ST3GAL1: variants seen among roughly 807,000 people sequenced by gnomAD.
ST3GAL1 encodes ST3 beta-galactoside alpha-2,3-sialyltransferase 1.
A neutral mutation model predicts 34.1 loss-of-function variants in ST3GAL1; 16 were observed. That is an observed-to-expected ratio of 0.47 (90% confidence interval 0.32 to 0.71). The LOEUF (loss-of-function observed/expected upper bound fraction) is 0.71. Ranked by LOEUF, ST3GAL1 falls within the 30% of genes least tolerant of loss-of-function variation. The pLI, the probability that ST3GAL1 is intolerant of heterozygous loss-of-function variation, is 0.04. For synonymous variants in ST3GAL1, 191 were observed against 184.7 expected (o/e 1.03, Z -0.28); for missense variants, 353 against 447.4 (o/e 0.79, Z 1.90).
intron 3 of ST3GAL1, among the ~76,000 whole-genome samples, chr8:133,479,583 C>T (rs1190233713): frequency 6.6e-6 from 1 of 152,182 alleles, no homozygotes; most frequent in East Asian, 1.9e-4. Flanking sequence ...GACTGTTGAT[C>T]CGTGTTGATC....
In ST3GAL1 at chr8:133,457,724, A is replaced by G. The variant is rs562547151; in HGVS notation, c.*2040T>C. On this transcript the variant is annotated 3_prime_UTR_variant, in exon 10 of 10. Coordinates refer to ENST00000522652, the MANE Select transcript of ST3GAL1 (RefSeq NM_173344.3). ...TGCTCATATGCAGAGATTCAGGGAA[A>G]AAACCAAACTTGGCACGCAACTTCC... is the stretch of plus-strand genomic sequence containing the variant. The G allele has an allele frequency of 8.5e-5, 13 of 152,352 alleles. No individual in the cohort carries two copies. The South Asian group carries it at 1.7e-3, about 19-fold the overall frequency. The allele number at this position is 152,352 out of a possible 1,614,324, so 9.4% of individuals were successfully genotyped here. A position where few individuals can be genotyped will look rare whatever the true frequency, so the allele number is the denominator to read the frequency against.
chr8:133,483,658 C>G (rs1180044024), intron 3 of ST3GAL1, among the ~76,000 whole-genome samples: 1 of 152,180 alleles, frequency 6.6e-6, no homozygotes, highest in Non-Finnish European at 1.5e-5. Flanking sequence ...ATGTGCTGAA[C>G]AGCTAAATCT....
chr8:133,473,725 A>C (rs1816052729), intron 5 of ST3GAL1, among the ~76,000 whole-genome samples: 1 of 152,200 alleles, frequency 6.6e-6, no homozygotes, highest in African/African-American at 2.4e-5. Context: ...ACACCTGACA[A>C]TGTCTGGAGA....
At chr8:133,537,758 G>C (rs968111217) in intron 2 of ST3GAL1, among the ~76,000 whole-genome samples, 2 of 152,148 alleles carry the variant, frequency 1.3e-5, no homozygotes, top group African/African-American at 4.8e-5. Context: ...TGAAGGTCAC[G>C]AGGCTGGCAA....
At chr8:133,524,473 C>T (rs1287512260) in intron 2 of ST3GAL1, among the ~76,000 whole-genome samples, 1 of 152,258 alleles carries the variant, frequency 6.6e-6, no homozygotes, top group Admixed American at 6.5e-5. Context: ...CTGTGGCCAG[C>T]AGCGCCTTCT....
intron 3 of ST3GAL1, among the ~76,000 whole-genome samples, chr8:133,494,617 C>A (rs1356421370): frequency 1.3e-5 from 2 of 152,176 alleles, no homozygotes; most frequent in African/African-American, 2.4e-5. Context: ...ACCCACAATG[C>A]AATCCAAGGC....
At chr8:133,517,788 C>T (rs943244516) in intron 2 of ST3GAL1, among the ~76,000 whole-genome samples, 3 of 152,268 alleles carry the variant, frequency 2.0e-5, no homozygotes, top group African/African-American at 7.2e-5. Context: ...GCCCCACAGG[C>T]ATGTTTTGTC....
At chr8:133,535,215 G>C (rs1029250284) in intron 2 of ST3GAL1, among the ~76,000 whole-genome samples, 3 of 152,198 alleles carry the variant, frequency 2.0e-5, no homozygotes, top group African/African-American at 2.4e-5. Context: ...TACTACATTT[G>C]GGGTGATGAG....
intron 2 of ST3GAL1, among the ~76,000 whole-genome samples, chr8:133,524,041 A>G (rs1379151738): frequency 2.0e-5 from 3 of 152,200 alleles, no homozygotes; most frequent in African/African-American, 2.4e-5. Context: ...CCACAGACCT[A>G]TGAAATCTGA....
chr8:133,482,851 C>T (rs72718287), intron 3 of ST3GAL1, among the ~76,000 whole-genome samples: 8,429 of 152,242 alleles, frequency 0.055, 328 homozygotes, highest in African/African-American at 0.1. Context: ...CGCTTGGAAC[C>T]CATTTATTCT....
chr8:133,520,843 C>T (rs1817784668), intron 2 of ST3GAL1, among the ~76,000 whole-genome samples: 3 of 150,544 alleles, frequency 2.0e-5, no homozygotes, highest in Non-Finnish European at 2.9e-5. Context: ...GCGATTCCAG[C>T]TCACTGCAAC....
At chr8:133,558,685 G>T (rs892621442) in intron 1 of ST3GAL1, among the ~76,000 whole-genome samples, 2 of 152,152 alleles carry the variant, frequency 1.3e-5, no homozygotes, top group Non-Finnish European at 2.9e-5. Flanking sequence ...TCCATCCGGG[G>T]CAGGTTCCTG....
chr8:133,459,822 G>C lies in ST3GAL1; in HGVS notation c.965C>G (p.Ser322Cys), dbSNP rs767454560. 1.2e-6 allele frequency: 2 copies of C among 1,614,058 alleles called. No homozygotes were observed. The highest frequency in any genetic ancestry group is 2.2e-5 in the South Asian group (2 of 91,054). ...KTGVHDADFE[S>C]NVTATLASIN... ...GGAGGCCAAGGTGGCCGTCACGTTA[G>C]ACTCAAAGTCTGCATCGTGCACCCC... Residue 322 changes from serine to cysteine, a missense_variant, in exon 10 of 10, where the codon TCT becomes TGT. By Grantham distance (112) the Ser-to-Cys change is moderately radical. Coordinates refer to ENST00000522652, the MANE Select transcript of ST3GAL1 (RefSeq NM_173344.3). The surrounding 1 kb of genome is among the most constrained non-coding windows in gnomAD (Gnocchi z 4.7).
chr8:133,461,934 C>T lies in ST3GAL1; in HGVS notation c.790G>A (p.Gly264Arg), dbSNP rs1815527649. Residue 264 changes from glycine (G) to arginine (R), a missense_variant, in exon 9 of 10, where the codon GGG becomes AGG. Gly to Arg is a moderately radical substitution (Grantham distance 125, BLOSUM62 -2). Coordinates refer to ENST00000522652, the MANE Select transcript of ST3GAL1 (RefSeq NM_173344.3). The surrounding 1 kb of genome is among the most constrained non-coding windows in gnomAD (Gnocchi z 4.7). Reference sequence around the variant, plus strand: ...AGGATGCCGGTAGATGGGTATCGCCCGTGCCCTTGCAGCCAGTTGTCAAAG... The same window carrying T: ...AGGATGCCGGTAGATGGGTATCGCCTGTGCCCTTGCAGCCAGTTGTCAAAG... The part of the protein sequence containing the change: ...YVFDNWLQGH[G>R]RYPSTGILSV... 5 of 1,614,030 alleles carry T rather than the reference C, an allele frequency of 3.1e-6. No individual in the cohort carries two copies. The highest frequency in any genetic ancestry group is 2.2e-5 in the East Asian group (1 of 44,890).
At chr8:133,473,258 T>C (rs1816034713) in intron 5 of ST3GAL1, among the ~76,000 whole-genome samples, 1 of 152,190 alleles carries the variant, frequency 6.6e-6, no homozygotes, top group Non-Finnish European at 1.5e-5. Context: ...TTGGTGATAC[T>C]CTCTAATAAC....
chr8:133,523,237 C>T (rs1397454823), intron 2 of ST3GAL1, among the ~76,000 whole-genome samples: 1 of 152,156 alleles, frequency 6.6e-6, no homozygotes, highest in African/African-American at 2.4e-5. Context: ...CCAAACACCA[C>T]AGAGAACATG....
intron 2 of ST3GAL1, among the ~76,000 whole-genome samples, chr8:133,523,698 T>C (rs758430642): frequency 2.6e-5 from 4 of 152,132 alleles, no homozygotes; most frequent in Non-Finnish European, 5.9e-5. Context: ...TTATGACCAA[T>C]TGACAAATGT....
In ST3GAL1 at chr8:133,565,151, CTGTGTGTGTGTGTG is replaced by C. The variant is rs60990775; in HGVS notation, c.-582+6528_-582+6541del. On this transcript the variant is annotated intron_variant, in intron 1 of 9. Transcript: ENST00000522652. The stretch of plus-strand genomic sequence containing the variant: ...CAAATGAGATAACAGCTCTGTGTGC[CTGTGTGTGTGTGTG>C]TGTGTGTGTGTGTGTGTGTGTGTGT... Among the ~76,000 whole-genome samples, 980 of 139,404 alleles carry C rather than the reference CTGTGTGTGTGTGTG, an allele frequency of 7.0e-3. 5 individuals are homozygous for C. Among genetic ancestry groups the C allele is most frequent in the Middle Eastern group, 0.023 (6 of 256 alleles). The allele number at this position is 139,404 out of a possible 152,430, so 91.5% of individuals were successfully genotyped here.
intron 1 of ST3GAL1, among the ~76,000 whole-genome samples, chr8:133,566,269 A>C (rs2131119029): frequency 6.6e-6 from 1 of 152,300 alleles, no homozygotes; most frequent in South Asian, 2.1e-4. Context: ...ATTAGGCCTT[A>C]CTGCTTCCAG....
Sources: allele counts gnomAD v4.1 joint callset (sites outside exome capture counted in the v4.1 genomes callset), GRCh38; gene constraint gnomAD v4.1.1; non-coding constraint Gnocchi (gnomAD v3.1); transcripts MANE v1.5; gene names NCBI Gene and HGNC (gene_info 2026-07-23, HGNC 2026-07-21).